KLF12: variants seen among roughly 807,000 people sequenced by gnomAD.
The protein encoded by KLF12 is KLF transcription factor 12, also known as Krueppel-like factor 12.
KLF12 carries 9 observed loss-of-function variants against 37.8 expected under a neutral mutation model. That is an observed-to-expected ratio of 0.24 (90% CI 0.14 to 0.42). The LOEUF (loss-of-function observed/expected upper bound fraction) is 0.42, where lower values mean the gene tolerates loss of function less well. KLF12 is among the 10% of genes least tolerant of loss of function. KLF12 has a pLI of 1.00. For missense variants in KLF12, 411 were observed against 516.0 expected, an observed-to-expected ratio of 0.80 and a Z score of 1.97; for synonymous variants, 208 against 202.1, an observed-to-expected ratio of 1.03 and a Z score of -0.25.
chr13:74,274,649 T>G, the KLF12 span, among the ~76,000 whole-genome samples: 1 of 151,958 alleles, frequency 6.6e-6, no homozygotes, highest in Admixed American at 6.6e-5. Flanking sequence ...CTTTTTTCTT[T>G]GCTAGTTTGG....
chr13:73,911,188 A>G (rs1234526028), intron 3 of KLF12, among the ~76,000 whole-genome samples: 1 of 152,148 alleles, frequency 6.6e-6, no homozygotes, highest in Non-Finnish European at 1.5e-5. Context: ...ACATCAGGAC[A>G]TCTCACTGGG....
At chr13:73,785,751 G>C (rs1442303383) in intron 5 of KLF12, among the ~76,000 whole-genome samples, 2 of 151,750 alleles carry the variant, frequency 1.3e-5, no homozygotes, top group African/African-American at 2.4e-5. Flanking sequence ...CCTTATTTTT[G>C]ACTGCTATTG....
At chr13:74,139,494 C>T in the KLF12 span, among the ~76,000 whole-genome samples, 1 of 152,156 alleles carries the variant, frequency 6.6e-6, no homozygotes, top group Admixed American at 6.5e-5. Context: ...CAAAATTCTG[C>T]AATGTGTCGG....
upstream of KLF12, among the ~76,000 whole-genome samples, chr13:74,134,308 G>A (rs1296417621): frequency 5.9e-5 from 9 of 152,010 alleles, no homozygotes; most frequent in African/African-American, 1.9e-4. Flanking sequence ...GCGGCGGCGG[G>A]GAGGGGCTCG....
chr13:74,116,622 T>C (rs555045931), intron 1 of KLF12, among the ~76,000 whole-genome samples: 9 of 152,304 alleles, frequency 5.9e-5, no homozygotes, highest in Non-Finnish European at 1.0e-4. Context: ...GCAGAACTTT[T>C]CAGAAAGTAT....
At chr13:73,944,937 CT>C (rs1475080779) in intron 2 of KLF12, among the ~76,000 whole-genome samples, 4 of 152,114 alleles carry the variant, frequency 2.6e-5, no homozygotes, top group African/African-American at 9.7e-5. Flanking sequence ...GCTAATTTCT[CT>C]GTTACATATT....
intron 3 of KLF12, among the ~76,000 whole-genome samples, chr13:73,908,130 C>T (rs534959314): frequency 1.3e-5 from 2 of 152,218 alleles, no homozygotes; most frequent in East Asian, 3.9e-4. Flanking sequence ...CGGCCAGGCG[C>T]AGTGACTCAG....
chr13:74,127,733 C>T (rs896466102), intron 1 of KLF12, among the ~76,000 whole-genome samples: 1 of 152,250 alleles, frequency 6.6e-6, no homozygotes, highest in East Asian at 1.9e-4. Flanking sequence ...GTACAAATAA[C>T]GTGTAAGATC....
rs111920272 is a variant in KLF12 at position 73,868,606 on chromosome 13, GTC to G, written c.124-22235_124-22234del. On this transcript the variant is annotated intron_variant, in intron 3 of 7. Transcript: ENST00000377669. The stretch of plus-strand genomic sequence containing the variant: ...GGGTTTCACCATATTGGCCAGGCTG[GTC>G]TCTCGAACTCCTGACCTCATGATTT... Among the ~76,000 whole-genome samples, 52 of 152,050 alleles carry G rather than the reference GTC, an allele frequency of 3.4e-4. 1 individual carries two copies. The highest frequency in any genetic ancestry group is 1.2e-3 in the African/African-American group (49 of 41,484).
At chr13:74,287,349 T>TGAGAGAGAGAGAGATAGAGAGA in the KLF12 span, among the ~76,000 whole-genome samples, 19 of 71,896 alleles carry the variant, frequency 2.6e-4, no homozygotes, top group African/African-American at 1.2e-3. Context: ...CTATCAAAGT[T>TGAGAGAGAGAGAGATAGAGAGA]GAGAGAGAGA....
At chr13:74,012,013 TTAACTG>T (rs138471586) in intron 1 of KLF12, among the ~76,000 whole-genome samples, 3,903 of 152,278 alleles carry the variant, frequency 0.026, 100 homozygotes, top group East Asian at 0.09. Flanking sequence ...TTCCTGGCCT[TTAACTG>T]TATTTTATAT....
chr13:74,285,294 A>G, the KLF12 span, among the ~76,000 whole-genome samples: 1 of 151,870 alleles, frequency 6.6e-6, no homozygotes, highest in African/African-American at 2.4e-5. Context: ...GTGGTCTTTT[A>G]TTAATAATGC....
At chr13:74,160,317 CCTT>C in the KLF12 span, among the ~76,000 whole-genome samples, 3 of 152,164 alleles carry the variant, frequency 2.0e-5, no homozygotes, top group African/African-American at 4.8e-5. Context: ...GAATGGCACT[CCTT>C]CTAAAATATC....
chr13:73,804,564 T>G (rs1219517734), intron 5 of KLF12, among the ~76,000 whole-genome samples: 2 of 152,182 alleles, frequency 1.3e-5, no homozygotes, highest in African/African-American at 2.4e-5. Context: ...CTATTTTTAA[T>G]TTTTTGAAGC....
chr13:74,255,888 G>C, the KLF12 span, among the ~76,000 whole-genome samples: 1 of 152,146 alleles, frequency 6.6e-6, no homozygotes, highest in Non-Finnish European at 1.5e-5. Context: ...GGGCACGGTG[G>C]CTCACGCCTG....
the KLF12 span, among the ~76,000 whole-genome samples, chr13:74,161,478 G>T: frequency 6.6e-6 from 1 of 152,126 alleles, no homozygotes; most frequent in East Asian, 1.9e-4. Context: ...GAGTGATGCA[G>T]CTCCAAGCCA....
At chr13:73,962,111 C>T in intron 2 of KLF12, 1 of 422,452 alleles carries the variant, frequency 2.4e-6, no homozygotes, top group South Asian at 1.7e-5. Flanking sequence ...AACTGTGGTA[C>T]ATCCAGACAA....
the KLF12 span, among the ~76,000 whole-genome samples, chr13:74,248,770 T>G: frequency 1.3e-3 from 195 of 152,212 alleles, no homozygotes; most frequent in African/African-American, 4.4e-3. Flanking sequence ...AGTGGAGCAT[T>G]GGGTTTAACT....
chr13:73,923,087 C>T (rs751775757), intron 3 of KLF12, among the ~76,000 whole-genome samples: 8 of 152,280 alleles, frequency 5.3e-5, no homozygotes, highest in Middle Eastern at 3.4e-3. Flanking sequence ...AAAGTTATGG[C>T]ACTTATAACA....
Sources: gnomAD v4.1 joint callset for allele counts (sites outside exome capture counted in the v4.1 genomes callset) on GRCh38, gnomAD v4.1.1 for gene constraint, MANE v1.5 for transcripts, NCBI Gene and HGNC (gene_info 2026-07-23, HGNC 2026-07-21) for gene names.